HAO1: variants seen among roughly 807,000 people sequenced by gnomAD.
HAO1 encodes hydroxyacid oxidase 1.
In HAO1, 34 loss-of-function variants were observed where a neutral mutation model predicts 39.7. The ratio of observed to expected loss-of-function variants is 0.86; its 90% CI spans 0.65 to 1.14. HAO1 has a LOEUF of 1.14. HAO1 is among the 50% of genes most tolerant of loss of function. The pLI is 0.00. For missense variants in HAO1, 479 were observed against 464.5 expected (o/e 1.03, Z -0.29); for synonymous variants, 172 against 173.2 (o/e 0.99, Z 0.05).
chr20:7,937,978 T>C (rs1221836660), intron 1 of HAO1, among the ~76,000 whole-genome samples: 2 of 152,200 alleles, frequency 1.3e-5, no homozygotes, highest in South Asian at 2.1e-4. Flanking sequence ...AATGTGATTA[T>C]CAGAGCTGAG....
chr20:7,932,868 T>G (rs1304579840), intron 2 of HAO1, among the ~76,000 whole-genome samples: 1 of 152,198 alleles, frequency 6.6e-6, no homozygotes, highest in Non-Finnish European at 1.5e-5. Flanking sequence ...AGAGAATTTT[T>G]AACATCACAT....
chr20:7,885,939 T>C lies in HAO1; in HGVS notation c.814-75A>G, dbSNP rs578165547. ...ATTCAACTCCACCTCCAAAAACCACTGACACATCCAGCTAGGGCTTAGAGT... is the reference window on the plus strand; with the variant it reads ...ATTCAACTCCACCTCCAAAAACCACCGACACATCCAGCTAGGGCTTAGAGT... On this transcript the variant is annotated intron_variant, in intron 5 of 7. Coordinates refer to ENST00000378789, the MANE Select transcript of HAO1 (RefSeq NM_017545.3). The C allele has an allele frequency of 5.5e-5, 68 of 1,240,258 alleles. No homozygotes were observed. The African/African-American group carries it at 9.3e-4, about 17-fold the overall frequency. The allele number at this position is 1,240,258 out of a possible 1,614,324, so 76.8% of individuals were successfully genotyped here.
At chr20:7,909,649 C>A (rs1600112473) in intron 3 of HAO1, among the ~76,000 whole-genome samples, 1 of 151,410 alleles carries the variant, frequency 6.6e-6, no homozygotes, top group East Asian at 1.9e-4. Flanking sequence ...AAAATAGTAA[C>A]AACTGCTAAT....
intron 2 of HAO1, among the ~76,000 whole-genome samples, chr20:7,920,774 T>G (rs1287767119): frequency 6.6e-6 from 1 of 152,186 alleles, no homozygotes; most frequent in Non-Finnish European, 1.5e-5. Context: ...CATTCATCTG[T>G]CAATGGATAC....
chr20:7,893,778 T>G (rs536562247), intron 5 of HAO1, among the ~76,000 whole-genome samples: 1 of 152,304 alleles, frequency 6.6e-6, no homozygotes, highest in East Asian at 1.9e-4. Context: ...AGACTGATTT[T>G]AGTAATAATA....
At chr20:7,938,651 C>T (rs1360018937) in intron 1 of HAO1, among the ~76,000 whole-genome samples, 1 of 152,134 alleles carries the variant, frequency 6.6e-6, no homozygotes, top group Non-Finnish European at 1.5e-5. Flanking sequence ...TGGGGCGCCC[C>T]TTTGCATCCT....
intron 3 of HAO1, among the ~76,000 whole-genome samples, chr20:7,913,232 A>G (rs902645666): frequency 6.7e-6 from 1 of 148,744 alleles, no homozygotes; most frequent in Non-Finnish European, 1.5e-5. Context: ...CTGTGGCATG[A>G]GATCTGGGAA....
intron 2 of HAO1, among the ~76,000 whole-genome samples, chr20:7,925,650 C>T (rs2050355649): frequency 6.6e-6 from 1 of 152,122 alleles, no homozygotes; most frequent in South Asian, 2.1e-4. Context: ...TGAGTTTGCA[C>T]ACAACAACTT....
At chr20:7,909,559 T>C (rs995719125) in intron 3 of HAO1, among the ~76,000 whole-genome samples, 2 of 150,938 alleles carry the variant, frequency 1.3e-5, no homozygotes, top group Non-Finnish European at 2.9e-5. Context: ...CTTTGTAAGG[T>C]ACTCATTATC....
chr20:7,883,809 T>G (rs1199745303), intron 7 of HAO1, 146 bp from the exon 8 acceptor site: 3 of 687,220 alleles, frequency 4.4e-6, no homozygotes, highest in Non-Finnish European at 7.8e-6. Flanking sequence ...CATGAGACCA[T>G]TTTTTATTAC....
intron 4 of HAO1, 151 bp downstream of exon 4, chr20:7,906,003 T>C: frequency 1.5e-6 from 1 of 655,216 alleles, no homozygotes; most frequent in South Asian, 1.8e-5. Context: ...AAATATTTAC[T>C]CACTAACATG....
At chr20:7,896,320 C>G (rs1460098525) in intron 4 of HAO1, among the ~76,000 whole-genome samples, 1 of 152,224 alleles carries the variant, frequency 6.6e-6, no homozygotes, top group African/African-American at 2.4e-5. Context: ...GCAAAACCAA[C>G]TGGTTCAAGA....
chr20:7,883,944 AATTAAAATGCAT>A (rs2050139380), intron 7 of HAO1, among the ~76,000 whole-genome samples: 1 of 152,204 alleles, frequency 6.6e-6, no homozygotes, highest in Admixed American at 6.5e-5. Flanking sequence ...GTCTGTAGCA[AATTAAAATGCAT>A]AGTGAGGATT....
chr20:7,904,995 G>A (rs2122766991), intron 4 of HAO1, among the ~76,000 whole-genome samples: 1 of 152,226 alleles, frequency 6.6e-6, no homozygotes, highest in Non-Finnish European at 1.5e-5. Flanking sequence ...CAAAAATTTT[G>A]AACTAGGACA....
chr20:7,940,150 C>A, intron 1 of HAO1, 136 bp downstream of exon 1: 1 of 614,074 alleles, frequency 1.6e-6, no homozygotes. Context: ...CTTACAGCCC[C>A]AAGAACTTTT....
chr20:7,930,712 G>A (rs759677070), intron 2 of HAO1, among the ~76,000 whole-genome samples: 1 of 152,144 alleles, frequency 6.6e-6, no homozygotes, highest in East Asian at 1.9e-4. Flanking sequence ...AGTTACCTGA[G>A]CAAAGAGAGC....
chr20:7,923,017 G>A (rs1178343455), intron 2 of HAO1, among the ~76,000 whole-genome samples: 2 of 152,058 alleles, frequency 1.3e-5, no homozygotes, highest in African/African-American at 4.8e-5. Context: ...ATGTCCTAGG[G>A]TGGAAAAATG....
At chr20:7,900,763 T>C (rs765734735) in intron 4 of HAO1, among the ~76,000 whole-genome samples, 17 of 151,388 alleles carry the variant, frequency 1.1e-4, no homozygotes, top group Non-Finnish European at 2.5e-4. Flanking sequence ...CAAGGAAGAG[T>C]CACATACCTC....
chr20:7,886,813 G>T (rs1312348870), intron 5 of HAO1, among the ~76,000 whole-genome samples: 1 of 152,138 alleles, frequency 6.6e-6, no homozygotes, highest in Non-Finnish European at 1.5e-5. Context: ...GAGCAGAGCT[G>T]GTAGAATGCC....
Sources: gnomAD v4.1 joint callset for allele counts (sites outside exome capture counted in the v4.1 genomes callset) on GRCh38, gnomAD v4.1.1 for gene constraint, MANE v1.5 for transcripts, NCBI Gene and HGNC (gene_info 2026-07-23, HGNC 2026-07-21) for gene names.